TBC1D22A: variants seen among roughly 807,000 people sequenced by gnomAD.
The protein encoded by TBC1D22A is TBC1 domain family member 22A, also known as putative GTPase activator.
A neutral mutation model predicts 60.2 loss-of-function variants in TBC1D22A; 38 were observed. That is an observed-to-expected ratio of 0.63 (90% CI 0.49 to 0.83). TBC1D22A has a LOEUF of 0.83. Ranked by LOEUF, TBC1D22A falls within the 40% of genes least tolerant of loss-of-function variation. The pLI is 0.00. For missense variants in TBC1D22A, 628 were observed against 701.0 expected (o/e 0.90, Z 1.18); for synonymous variants, 302 against 281.7 (o/e 1.07, Z -0.72).
intron 8 of TBC1D22A, among the ~76,000 whole-genome samples, chr22:46,933,554 C>T (rs776810292): frequency 1.3e-5 from 2 of 152,194 alleles, no homozygotes; most frequent in Non-Finnish European, 2.9e-5. Context: ...TCTCCTGAGT[C>T]TCTGCCCTCT....
chr22:46,861,317 G>T (rs1309518131), intron 4 of TBC1D22A, among the ~76,000 whole-genome samples: 1 of 152,170 alleles, frequency 6.6e-6, no homozygotes, highest in Non-Finnish European at 1.5e-5. Context: ...AATAAAATGT[G>T]TCTCTATTTT....
chr22:46,798,668 C>T (rs2084762811), intron 4 of TBC1D22A, among the ~76,000 whole-genome samples: 1 of 152,228 alleles, frequency 6.6e-6, no homozygotes, highest in Non-Finnish European at 1.5e-5. Context: ...CGGAATGTGG[C>T]CTTGGTCATG....
At chr22:46,803,594 CT>C (rs1215085114) in intron 4 of TBC1D22A, among the ~76,000 whole-genome samples, 1 of 152,208 alleles carries the variant, frequency 6.6e-6, no homozygotes, top group African/African-American at 2.4e-5. Context: ...GCACGTTGGC[CT>C]TGTGGGTGGG....
In TBC1D22A at chr22:46,809,744, G is replaced by A. The variant is rs138992318; in HGVS notation, c.637+12124G>A. ...GAGGCCTCCATAGTGTTTGGGAGGC[G>A]TGATGAGGCCATCTGCGGAGTGGTT... On this transcript the variant is annotated intron_variant, in intron 4 of 12. Coordinates refer to ENST00000337137, the MANE Select transcript of TBC1D22A (RefSeq NM_014346.5). Among the ~76,000 whole-genome samples the A allele has an allele frequency of 7.2e-5, 11 of 152,218 alleles. No homozygotes were observed. The East Asian group carries it at 1.2e-3, about 16-fold the overall frequency.
At chr22:46,859,787 TCC>T in intron 4 of TBC1D22A, among the ~76,000 whole-genome samples, 1 of 336 alleles carries the variant, frequency 3.0e-3, no homozygotes, top group Non-Finnish European at 4.2e-3. Context: ...AGAATCCTTT[TCC>T]ATAGAGGTCC....
intron 4 of TBC1D22A, among the ~76,000 whole-genome samples, chr22:46,826,816 C>G (rs2086088460): frequency 6.6e-6 from 1 of 152,226 alleles, no homozygotes; most frequent in Non-Finnish European, 1.5e-5. Flanking sequence ...AGGATTTGAA[C>G]CTGGGCAGAC....
At position 47,158,477 on chromosome 22, in the gene TBC1D22A, C is replaced by G. The variant is rs141327880; in HGVS notation, c.1426-15021C>G. ...GTCCTGGGTAGGGGGCAGTTCCCCCCCCAATCTGAAAAGCCCTGGGATACC... is the reference window on the plus strand; with the variant it reads ...GTCCTGGGTAGGGGGCAGTTCCCCCGCCAATCTGAAAAGCCCTGGGATACC... On this transcript the variant is annotated intron_variant, in intron 12 of 12. Coordinates refer to ENST00000337137, the MANE Select transcript of TBC1D22A (RefSeq NM_014346.5). 2.3e-3 allele frequency among the ~76,000 whole-genome samples: 353 copies of G among 152,252 alleles called. 1 individual carries two copies. The highest frequency in any genetic ancestry group is 8.1e-3 in the African/African-American group (338 of 41,542).
intron 12 of TBC1D22A, among the ~76,000 whole-genome samples, chr22:47,148,939 G>A (rs2067390945): frequency 6.6e-6 from 1 of 151,016 alleles, no homozygotes; most frequent in Non-Finnish European, 1.5e-5. Context: ...GTTCTAGGGG[G>A]CCACGGCTTC....
chr22:46,995,263 G>A (rs571647306), intron 9 of TBC1D22A, among the ~76,000 whole-genome samples: 2 of 152,296 alleles, frequency 1.3e-5, no homozygotes, highest in Non-Finnish European at 2.9e-5. Flanking sequence ...CTAAGTGAAG[G>A]TGGCAAACGG....
intron 4 of TBC1D22A, among the ~76,000 whole-genome samples, chr22:46,837,988 A>T (rs1278570550): frequency 1.3e-5 from 2 of 152,172 alleles, no homozygotes; most frequent in African/African-American, 4.8e-5. Flanking sequence ...TGAACCTGGG[A>T]GGCGGAGGTT....
chr22:46,803,624 G>A (rs1030789398), intron 4 of TBC1D22A, among the ~76,000 whole-genome samples: 27 of 152,226 alleles, frequency 1.8e-4, no homozygotes, highest in African/African-American at 5.8e-4. Context: ...ACACTTGCGC[G>A]TGTCTGTGTG....
At chr22:46,851,757 T>C (rs1291863435) in intron 4 of TBC1D22A, among the ~76,000 whole-genome samples, 1 of 152,244 alleles carries the variant, frequency 6.6e-6, no homozygotes, top group Non-Finnish European at 1.5e-5. Flanking sequence ...GTGACCTCCA[T>C]AGCTCTTTGT....
chr22:46,988,213 A>G (rs113405110), intron 9 of TBC1D22A, among the ~76,000 whole-genome samples: 3,373 of 152,342 alleles, frequency 0.022, 50 homozygotes, highest in Non-Finnish European at 0.035. Context: ...TATTTCCACC[A>G]TATCTGTAGT....
intron 6 of TBC1D22A, 149 bp from the exon 7 acceptor site, chr22:46,894,635 G>C (rs1048985415): frequency 3.4e-6 from 3 of 893,318 alleles, no homozygotes; most frequent in Non-Finnish European, 3.5e-6. Context: ...CAGGGGAGAA[G>C]GTGGTAACAT....
Position 46,793,825 on chromosome 22 carries a change from C to T in TBC1D22A, c.444C>T (p.His148=). 2 of 1,585,410 alleles carry T rather than the reference C, an allele frequency of 1.3e-6. No individual in the cohort carries two copies. Among genetic ancestry groups the T allele is most frequent in the South Asian group, 1.1e-5 (1 of 87,966 alleles). Residue 148 remains histidine, a synonymous_variant, in exon 3 of 13, where the codon CAC becomes CAT. Transcript: ENST00000337137. ...TGGTGAAGTCGGTCAGTGAGAGCCA[C>T]ACGTCCTGTCCTGCAGGTACGATGG... ...LRLVKSVSES[H]TSCPAESASD...
intron 5 of TBC1D22A, among the ~76,000 whole-genome samples, chr22:46,889,236 G>T (rs2068271408): frequency 6.6e-6 from 1 of 152,160 alleles, no homozygotes; most frequent in Non-Finnish European, 1.5e-5. Flanking sequence ...CTGGGCCAAA[G>T]ATTTGAACAG....
chr22:46,998,448 CA>C (rs1400932646), intron 10 of TBC1D22A, among the ~76,000 whole-genome samples: 1 of 152,202 alleles, frequency 6.6e-6, no homozygotes, highest in Non-Finnish European at 1.5e-5. Context: ...TGCTCTTTCA[CA>C]AAGAGTCCCA....
intron 8 of TBC1D22A, among the ~76,000 whole-genome samples, chr22:46,931,075 C>T (rs188740793): frequency 1.3e-4 from 20 of 152,286 alleles, no homozygotes; most frequent in Admixed American, 9.2e-4. Flanking sequence ...ACCTCTGGAC[C>T]GCAGGCAGCT....
At chr22:46,886,480 G>T (rs4823579) in intron 5 of TBC1D22A, among the ~76,000 whole-genome samples, 1 of 151,712 alleles carries the variant, frequency 6.6e-6, no homozygotes, top group Non-Finnish European at 1.5e-5. Flanking sequence ...GTAACCAGGC[G>T]GTTGTGACCC....
Sources: allele counts gnomAD v4.1 joint callset (sites outside exome capture counted in the v4.1 genomes callset), GRCh38; gene constraint gnomAD v4.1.1; transcripts MANE v1.5; gene names NCBI Gene and HGNC (gene_info 2026-07-23, HGNC 2026-07-21).